TCP10L: variants seen among roughly 807,000 people sequenced by gnomAD.
TCP10L encodes the protein t-complex 10 like, also known as T-complex protein 10A homolog 1.
A neutral mutation model predicts 19.2 loss-of-function variants in TCP10L; 11 were observed. The observed-to-expected ratio is 0.57, with a 90% confidence interval of 0.36 to 0.95. The LOEUF (loss-of-function observed/expected upper bound fraction) is 0.95, where lower values mean the gene tolerates loss of function less well. TCP10L is among the 40% of genes least tolerant of loss of function. The pLI is 0.01. For synonymous variants in TCP10L, 96 were observed against 97.2 expected (o/e 0.99, Z 0.07); for missense variants, 247 against 263.9 (o/e 0.94, Z 0.44).
chr21:32,585,261 G>A (rs907279536), intron 1 of TCP10L, among the ~76,000 whole-genome samples, 160 bp downstream of exon 1: 15 of 152,176 alleles, frequency 9.9e-5, no homozygotes, highest in African/African-American at 3.4e-4. Flanking sequence ...ATGTTTCTGC[G>A]GAAGTGGGCT....
chr21:32,581,555 TG>T (rs985525853), intron 3 of TCP10L, among the ~76,000 whole-genome samples: 7 of 152,096 alleles, frequency 4.6e-5, no homozygotes, highest in Non-Finnish European at 1.0e-4. Context: ...GACACTGCCG[TG>T]GGGTCAGAGC....
chr21:32,578,972 A>C lies in TCP10L; in HGVS notation c.361-141T>G, dbSNP rs1013257854. The C allele has an allele frequency of 7.2e-7, 1 of 1,382,748 alleles. No individual in the cohort carries two copies. Among genetic ancestry groups the C allele is most frequent in the Non-Finnish European group, 9.7e-7 (1 of 1,028,862 alleles). The allele number at this position is 1,382,748 out of a possible 1,614,324, so 85.7% of individuals were successfully genotyped here. ...GGGACTTGGACTGGGTTTTCCCCCT[A>C]ATATGTTGATAAGAACAGAAACCCT... On this transcript the variant is annotated intron_variant, in intron 3 of 4. Transcript: ENST00000300258. The surrounding 1 kb of genome is among the most constrained non-coding windows in gnomAD (Gnocchi z 4.2).
Position 32,576,813 on chromosome 21 carries a change from T to C in TCP10L, c.609A>G (p.Gly203=). 6.2e-7 allele frequency: 1 copy of C among 1,614,088 alleles called. No individual in the cohort carries two copies. The highest frequency in any genetic ancestry group is 1.7e-5 in the Admixed American group (1 of 60,006). The change falls in exon 5 of 5, where the codon GGA becomes GGG. Residue 203 remains glycine, a synonymous_variant. Coordinates refer to ENST00000300258, the MANE Select transcript of TCP10L (RefSeq NM_144659.7). ...GTCTCTCTGCACAGGGAGTTGGCCT[T>C]CCAGTAGGTGTTGCTCTTCTGTCTT... ...RRQDRRATPT[G]RPTPCAERRG... is the part of the protein sequence containing the mutation.
intron 4 of TCP10L, among the ~76,000 whole-genome samples, chr21:32,577,144 G>A (rs1409277377): frequency 6.6e-6 from 1 of 152,134 alleles, no homozygotes; most frequent in East Asian, 1.9e-4. Context: ...ATATTGTAAA[G>A]TCAACAGTGA....
At position 32,578,444 on chromosome 21, in the gene TCP10L, G is replaced by A. The variant is rs571234659; in HGVS notation, c.498+250C>T. 1.3e-5 allele frequency among the ~76,000 whole-genome samples: 2 copies of A among 152,376 alleles called. No individual in the cohort carries two copies. Among genetic ancestry groups the A allele is most frequent in the Non-Finnish European group, 2.9e-5 (2 of 68,040 alleles). On this transcript the variant is annotated intron_variant, in intron 4 of 4. Coordinates refer to ENST00000300258, the MANE Select transcript of TCP10L (RefSeq NM_144659.7). This position sits in a 1 kb window ranked among gnomAD's most constrained non-coding sequence, Gnocchi z 4.2. ...CAAGTCCCCTCGGCCCCAGCCAGACGCTTGCTGCTGTGAGTGTACTCAGAG... is the reference window on the plus strand; with the variant it reads ...CAAGTCCCCTCGGCCCCAGCCAGACACTTGCTGCTGTGAGTGTACTCAGAG...
chr21:32,574,039 G>T lies in TCP10L; in HGVS notation c.*2735C>A, dbSNP rs1429715326. The T allele has an allele frequency of 6.6e-6, 1 of 152,084 alleles. No homozygotes were observed. The highest frequency in any genetic ancestry group is 2.4e-5 in the African/African-American group (1 of 41,424). The allele number at this position is 152,084 out of a possible 1,614,324, so 9.4% of individuals were successfully genotyped here. A position where few individuals can be genotyped will look rare whatever the true frequency, so the allele number is the denominator to read the frequency against. ...AACAGAATGTGGGTTTTTCTCGGGA[G>T]AACAGAAAACAAGCGGGACCTGTGT... On this transcript the variant is annotated 3_prime_UTR_variant, in exon 5 of 5. Coordinates refer to ENST00000300258, the MANE Select transcript of TCP10L (RefSeq NM_144659.7).
At chr21:32,581,360 G>C (rs2038492418) in intron 3 of TCP10L, among the ~76,000 whole-genome samples, 1 of 152,200 alleles carries the variant, frequency 6.6e-6, no homozygotes, top group African/African-American at 2.4e-5. Context: ...AAGCCCATGT[G>C]TGATCTGATT....
At chr21:32,583,490 G>T (rs1299287526) in intron 2 of TCP10L, among the ~76,000 whole-genome samples, 2 of 150,560 alleles carry the variant, frequency 1.3e-5, no homozygotes, top group Admixed American at 1.3e-4. Flanking sequence ...GTGGGAGGCT[G>T]AGGCAGGAGA....
rs1285762201 is a variant in TCP10L, at chr21:32,576,659, T to C, written c.*115A>G. On this transcript the variant is annotated 3_prime_UTR_variant, in exon 5 of 5. Transcript: ENST00000300258. The stretch of plus-strand genomic sequence containing the variant: ...TTAGTTTAATAAATTACTAGGTCTA[T>C]TTTGAATAACAAATTGAGTACTTTT... 5.3e-6 allele frequency: 6 copies of C among 1,141,052 alleles called. No individual in the cohort carries two copies. The highest frequency in any genetic ancestry group is 7.5e-6 in the Non-Finnish European group (6 of 796,030). 70.7% of individuals were successfully genotyped at this position (1,141,052 alleles called of 1,614,324 possible). A position where few individuals can be genotyped will look rare whatever the true frequency, so the allele number is the denominator to read the frequency against.
In TCP10L at chr21:32,574,143, T is replaced by A. The variant is rs1046163331; in HGVS notation, c.*2631A>T. ...AAATTTCCTGCCGTAGAGAAAATAA[T>A]TTCATTTTATTGACATTTTTTGTAA... is the stretch of plus-strand genomic sequence containing the variant. On this transcript the variant is annotated 3_prime_UTR_variant, in exon 5 of 5. Coordinates refer to ENST00000300258, the MANE Select transcript of TCP10L (RefSeq NM_144659.7). The A allele has an allele frequency of 4.1e-5, 6 of 147,922 alleles. No homozygotes were observed. The highest frequency in any genetic ancestry group is 4.0e-4 in the Admixed American group (6 of 14,818). 9.2% of individuals were successfully genotyped at this position (147,922 alleles called of 1,614,324 possible). A position where few individuals can be genotyped will look rare whatever the true frequency, so the allele number is the denominator to read the frequency against.
rs2038458590 is a variant in TCP10L at position 32,578,516 on chromosome 21, T to C, written c.498+178A>G. Among the ~76,000 whole-genome samples, 1 of 152,222 alleles carries C rather than the reference T, an allele frequency of 6.6e-6. No homozygotes were observed. On this transcript the variant is annotated intron_variant, in intron 4 of 4. Coordinates refer to ENST00000300258, the MANE Select transcript of TCP10L (RefSeq NM_144659.7). The surrounding 1 kb of genome is among the most constrained non-coding windows in gnomAD (Gnocchi z 4.2). ...GAATCTGCTCCACAGCAAGAAGTGC[T>C]AAGGGTTAGGATCTTGTTTGAAAGG...
In TCP10L at chr21:32,582,539, A is replaced by C; in HGVS notation, c.145-124T>G. 1 of 823,894 alleles carries C rather than the reference A, an allele frequency of 1.2e-6. No homozygotes were observed. The highest frequency in any genetic ancestry group is 1.8e-5 in the South Asian group (1 of 54,982). The allele number at this position is 823,894 out of a possible 1,614,324, so 51.0% of individuals were successfully genotyped here. ...CTATTTCTGGAATAAAAGACACCCG[A>C]TGAGATAAACAGGACTACCACAGCC... On this transcript the variant is annotated intron_variant, in intron 2 of 4. Transcript: ENST00000300258. The surrounding 1 kb of genome is among the most constrained non-coding windows in gnomAD (Gnocchi z 4.2).
At chr21:32,584,369 G>A in intron 1 of TCP10L, 64 bp from the exon 2 acceptor site, 1 of 1,551,382 alleles carries the variant, frequency 6.4e-7, no homozygotes. Flanking sequence ...GTCAGTGTGG[G>A]CTGAAGGCCC....
intron 3 of TCP10L, among the ~76,000 whole-genome samples, chr21:32,580,765 A>T (rs1336619568): frequency 6.6e-6 from 1 of 152,230 alleles, no homozygotes; most frequent in Non-Finnish European, 1.5e-5. Context: ...AACACTGGCC[A>T]CATTCACACT....
rs758071897 is a variant in TCP10L, at chr21:32,576,884, T to G, written c.538A>C (p.Thr180Pro). ...TTATCTCTATTTTCCTGTGGTGGTG[T>G]TTTCCACGAGCTAATTCTTTCTATC... is the stretch of plus-strand genomic sequence containing the variant. ...LKIERISSWK[T>P]PPQENRDKNL... The change falls in exon 5 of 5, where the codon ACA becomes CCA. Residue 180 changes from threonine (T) to proline (P), a missense_variant. Transcript: ENST00000300258. The G allele has an allele frequency of 8.7e-6, 14 of 1,613,996 alleles. No individual in the cohort carries two copies. The African/African-American group carries it at 1.2e-4, about 14-fold the overall frequency.
intron 2 of TCP10L, 80 bp downstream of exon 2, chr21:32,584,081 A>G: frequency 6.6e-7 from 1 of 1,515,214 alleles, no homozygotes; most frequent in Non-Finnish European, 8.9e-7. Flanking sequence ...AGCAAGGGAA[A>G]GTCCAATGAC....
chr21:32,578,888 A>G lies in TCP10L; in HGVS notation c.361-57T>C, dbSNP rs770128688. The G allele has an allele frequency of 1.1e-4, 180 of 1,611,608 alleles. No individual in the cohort carries two copies. The highest frequency in any genetic ancestry group is 9.6e-5 in the Non-Finnish European group (113 of 1,178,908). On this transcript the variant is annotated intron_variant, in intron 3 of 4. Coordinates refer to ENST00000300258, the MANE Select transcript of TCP10L (RefSeq NM_144659.7). This position sits in a 1 kb window ranked among gnomAD's most constrained non-coding sequence, Gnocchi z 4.2. The stretch of plus-strand genomic sequence containing the variant: ...ATTTTCGAAGGTAAAATAAATTCAA[A>G]TTTTAATACAATGAAGAATAATTGG...
chr21:32,582,234 G>A lies in TCP10L; in HGVS notation c.326C>T (p.Ala109Val), dbSNP rs201831424. 2.4e-5 allele frequency: 39 copies of A among 1,614,038 alleles called. No individual in the cohort carries two copies. Among genetic ancestry groups the A allele is most frequent in the Middle Eastern group, 1.6e-4 (1 of 6,082 alleles). ...CGATTCTTGCCCCGCGTGTGGGGAC[G>A]CTGCAGATTTCTTCCTGGCTTTCCA... ...QRWKARKKSAASPHAGQESHT... is the reference protein window; with the variant it reads ...QRWKARKKSAVSPHAGQESHT... Residue 109 changes from alanine (A) to valine (V), a missense_variant, in exon 3 of 5, where the codon GCG becomes GTG. Coordinates refer to ENST00000300258, the MANE Select transcript of TCP10L (RefSeq NM_144659.7). This position sits in a 1 kb window ranked among gnomAD's most constrained non-coding sequence, Gnocchi z 4.2.
intron 3 of TCP10L, among the ~76,000 whole-genome samples, chr21:32,579,523 G>C (rs1179431266): frequency 6.6e-6 from 1 of 152,152 alleles, no homozygotes; most frequent in Non-Finnish European, 1.5e-5. Flanking sequence ...TTTAAAGTGT[G>C]GGATTCACAT....
Sources: allele counts gnomAD v4.1 joint callset (sites outside exome capture counted in the v4.1 genomes callset), GRCh38; gene constraint gnomAD v4.1.1; non-coding constraint Gnocchi (gnomAD v3.1); transcripts MANE v1.5; gene names NCBI Gene and HGNC (gene_info 2026-07-23, HGNC 2026-07-21).